The following FUT8 variants were observed in gnomAD, a reference collection of about 807,000 sequenced individuals.
The protein encoded by FUT8 is alpha-(1,6)-fucosyltransferase.
Under a neutral mutation model 71.3 loss-of-function variants are expected in FUT8, and 29 were observed. The observed-to-expected ratio is 0.41, with a 90% CI of 0.30 to 0.55. The LOEUF is 0.55. Among genes scored for constraint, FUT8 ranks in the 20% least tolerant of loss-of-function variants. The probability of loss-of-function intolerance (pLI) is 0.34; values close to 1 mark genes in which losing one functional copy is unlikely to be tolerated. For synonymous variants in FUT8, 254 were observed against 239.3 expected (o/e 1.06, Z -0.57); for missense variants, 544 against 702.1 (o/e 0.77, Z 2.55).
chr14:65,737,511 C>T (rs763116656), intron 10 of FUT8, among the ~76,000 whole-genome samples: 16 of 152,090 alleles, frequency 1.1e-4, no homozygotes, highest in Non-Finnish European at 1.8e-4. Flanking sequence ...TTATTTGAAT[C>T]TTAAATCTAA....
chr14:65,470,639 C>T (rs1284052499), intron 2 of FUT8, among the ~76,000 whole-genome samples: 1 of 152,170 alleles, frequency 6.6e-6, no homozygotes, highest in Non-Finnish European at 1.5e-5. Context: ...TTGGGAGTGG[C>T]AGGCTCAGCA....
intron 7 of FUT8, among the ~76,000 whole-genome samples, chr14:65,709,066 A>G (rs923231355): frequency 1.3e-5 from 2 of 152,184 alleles, no homozygotes; most frequent in Admixed American, 6.5e-5. Flanking sequence ...GCTTGATGTA[A>G]TCTTTCTACA....
At chr14:65,559,280 T>G (rs1885774703) in intron 2 of FUT8, among the ~76,000 whole-genome samples, 1 of 152,156 alleles carries the variant, frequency 6.6e-6, no homozygotes, top group South Asian at 2.1e-4. Flanking sequence ...TAGTTTACCC[T>G]CTGTAGCTGT....
intron 2 of FUT8, among the ~76,000 whole-genome samples, chr14:65,498,018 G>GTTTT (rs2066587245): frequency 6.6e-6 from 1 of 152,052 alleles, no homozygotes; most frequent in Non-Finnish European, 1.5e-5. Context: ...TTTTCAGGGA[G>GTTTT]TTTTGGTCAG....
At chr14:65,453,062 G>T (rs1454653423) in intron 1 of FUT8, among the ~76,000 whole-genome samples, 4 of 151,616 alleles carry the variant, frequency 2.6e-5, no homozygotes, top group African/African-American at 9.7e-5. Flanking sequence ...TTAATTAATT[G>T]ATGCATATCA....
At chr14:65,634,589 G>A (rs1230279537) in intron 6 of FUT8, among the ~76,000 whole-genome samples, 11 of 151,224 alleles carry the variant, frequency 7.3e-5, no homozygotes, top group Admixed American at 7.2e-4. Context: ...AAAGAAAAGG[G>A]TGTCCTTTCC....
At chr14:65,529,170 C>G (rs1883749009) in intron 2 of FUT8, 1 of 156,232 alleles carries the variant, frequency 6.4e-6, no homozygotes, top group African/African-American at 2.4e-5. Context: ...TGTCTATCCC[C>G]TTTATATACC....
chr14:65,576,312 T>C (rs1462519711), intron 3 of FUT8, among the ~76,000 whole-genome samples: 3 of 152,208 alleles, frequency 2.0e-5, no homozygotes, highest in Admixed American at 1.3e-4. Context: ...AAAACCTACA[T>C]AGTTTACTCT....
In FUT8 at chr14:65,663,539, T is replaced by C. The variant is rs192148409; in HGVS notation, c.598-5704T>C. Among the ~76,000 whole-genome samples the C allele has an allele frequency of 3.5e-4, 53 of 152,302 alleles. No individual in the cohort carries two copies. The East Asian group carries it at 9.6e-3, about 28-fold the overall frequency. ...TTATTTGGACAAAAAAATTGGGCTA[T>C]GGCTCTGAGCTTTTTCAGTGTTTAA... On this transcript the variant is annotated intron_variant, in intron 6 of 10. Transcript: ENST00000673929.
Position 65,603,695 on chromosome 14 carries a change from T to C in FUT8, c.204-12283T>C, listed in dbSNP as rs952642818. ...ATTTATCTTTTCAAAAGAACAAAAA[T>C]ACACTAAAAAAAAATCCAAGGTATA... On this transcript the variant is annotated intron_variant, in intron 3 of 10. Transcript: ENST00000673929. This position sits in a 1 kb window ranked among gnomAD's most constrained non-coding sequence, Gnocchi z 4.5. Among the ~76,000 whole-genome samples, 2 of 151,452 alleles carry C rather than the reference T, an allele frequency of 1.3e-5. No homozygotes were observed. Among genetic ancestry groups the C allele is most frequent in the Non-Finnish European group, 2.9e-5 (2 of 67,800 alleles).
chr14:65,586,836 C>A (rs893669054), intron 3 of FUT8, among the ~76,000 whole-genome samples: 4 of 152,138 alleles, frequency 2.6e-5, no homozygotes, highest in African/African-American at 9.7e-5. Flanking sequence ...AGCTTTTTAA[C>A]CTATTTTGAC....
intron 7 of FUT8, among the ~76,000 whole-genome samples, chr14:65,698,502 G>A (rs899503715): frequency 2.0e-5 from 3 of 152,184 alleles, no homozygotes; most frequent in African/African-American, 7.2e-5. Context: ...TGTCCATGTA[G>A]CTTAGCAAGT....
intron 7 of FUT8, among the ~76,000 whole-genome samples, chr14:65,672,700 G>A (rs1486296559): frequency 6.6e-6 from 1 of 152,098 alleles, no homozygotes; most frequent in Non-Finnish European, 1.5e-5. Flanking sequence ...GCCTCAAGCA[G>A]TCCTCCCACC....
At chr14:65,717,305 C>T (rs1179088845) in intron 7 of FUT8, among the ~76,000 whole-genome samples, 10 of 130,436 alleles carry the variant, frequency 7.7e-5, no homozygotes, top group Admixed American at 1.6e-4. Flanking sequence ...GATGGGCGGC[C>T]GGGCAGAGGC....
At chr14:65,647,462 G>T (rs1209479983) in intron 6 of FUT8, among the ~76,000 whole-genome samples, 1 of 152,188 alleles carries the variant, frequency 6.6e-6, no homozygotes, top group African/African-American at 2.4e-5. Context: ...GATAGTATGA[G>T]AGGTGATTTT....
At chr14:65,482,743 T>C (rs1418553719) in intron 2 of FUT8, among the ~76,000 whole-genome samples, 2 of 152,164 alleles carry the variant, frequency 1.3e-5, no homozygotes, top group Non-Finnish European at 2.9e-5. Flanking sequence ...TGCATCCTTT[T>C]TGCCTGCTCT....
At position 65,603,953 on chromosome 14, in the gene FUT8, C is replaced by G. The variant is rs1468313436; in HGVS notation, c.204-12025C>G. ...GGACACCCAAAGCGAGCAGGAGTAG[C>G]TATTCTTACATCAGACAAAACAAAA... On this transcript the variant is annotated intron_variant, in intron 3 of 10. Coordinates refer to ENST00000673929, the MANE Select transcript of FUT8 (RefSeq NM_001371533.1). The surrounding 1 kb of genome is among the most constrained non-coding windows in gnomAD (Gnocchi z 4.5). 6.6e-6 allele frequency among the ~76,000 whole-genome samples: 1 copy of G among 151,654 alleles called. No individual in the cohort carries two copies. Among genetic ancestry groups the G allele is most frequent in the African/African-American group, 2.4e-5 (1 of 41,350 alleles).
rs1184561041 is a variant in FUT8 at position 65,489,998 on chromosome 14, C to T, written c.-228+34280C>T. Among the ~76,000 whole-genome samples, 7 of 151,912 alleles carry T rather than the reference C, an allele frequency of 4.6e-5. No individual in the cohort carries two copies. The highest frequency in any genetic ancestry group is 1.0e-4 in the Non-Finnish European group (7 of 67,932). ...AATAATAAAATATTAATTATATAGT[C>T]AAAAATAGCTTTTAACTATGAAGAA... On this transcript the variant is annotated intron_variant, in intron 2 of 10. Coordinates refer to ENST00000673929, the MANE Select transcript of FUT8 (RefSeq NM_001371533.1). This position sits in a 1 kb window ranked among gnomAD's most constrained non-coding sequence, Gnocchi z 4.0.
At chr14:65,731,072 G>A (rs950163119) in intron 9 of FUT8, among the ~76,000 whole-genome samples, 20 of 152,216 alleles carry the variant, frequency 1.3e-4, no homozygotes, top group Non-Finnish European at 1.8e-4. Flanking sequence ...TCAGCAATGA[G>A]TGGTGTATTT....
Sources: allele counts gnomAD v4.1 joint callset (sites outside exome capture counted in the v4.1 genomes callset), GRCh38; gene constraint gnomAD v4.1.1; non-coding constraint Gnocchi (gnomAD v3.1); transcripts MANE v1.5; gene names NCBI Gene and HGNC (gene_info 2026-07-23, HGNC 2026-07-21).